Variants in KRIT1 observed in about 807,000 individuals in gnomAD.
KRIT1 encodes the protein krev interaction trapped protein 1.
KRIT1 carries 45 observed loss-of-function variants against 95.8 expected under a neutral mutation model. The ratio of observed to expected loss-of-function variants is 0.47; its 90% confidence interval spans 0.37 to 0.60. The LOEUF (loss-of-function observed/expected upper bound fraction) is 0.60. Among genes scored for constraint, KRIT1 ranks in the 20% least tolerant of loss-of-function variants. KRIT1 has a pLI of 0.00. For synonymous variants in KRIT1, 282 were observed against 278.8 expected (o/e 1.01, Z -0.11); for missense variants, 788 against 877.5 (o/e 0.90, Z 1.29).
At position 92,242,210 on chromosome 7, in the gene KRIT1, T is replaced by G. The variant is rs367830981; in HGVS notation, c.-2-73A>C. The stretch of plus-strand genomic sequence containing the variant: ...TTGATGGCAAGATAAAAAAAAGTAA[T>G]GCATCTTAAATTGAAAACTTTTATT... On this transcript the variant is annotated intron_variant, in intron 3 of 18. Coordinates refer to ENST00000394505, the MANE Select transcript of KRIT1 (RefSeq NM_194454.3). 1.3e-4 allele frequency: 114 copies of G among 855,050 alleles called. No individual in the cohort carries two copies. The East Asian group carries it at 2.4e-3, about 18-fold the overall frequency. The allele number at this position is 855,050 out of a possible 1,614,324, so 53.0% of individuals were successfully genotyped here. A position where few individuals can be genotyped will look rare whatever the true frequency, so the allele number is the denominator to read the frequency against.
rs189680686 is a variant in KRIT1, at chr7:92,232,779, C to T, written c.989+1670G>A. Among the ~76,000 whole-genome samples, 176 of 152,098 alleles carry T rather than the reference C, an allele frequency of 1.2e-3. 3 individuals are homozygous for T. The highest frequency in any genetic ancestry group is 0.01 in the Admixed American group (159 of 15,270). ...CGTGATCTCAGCTCACTGCAAGCTCCGCCTCGCGGGTTCACACCATTCTCC... is the reference window on the plus strand; with the variant it reads ...CGTGATCTCAGCTCACTGCAAGCTCTGCCTCGCGGGTTCACACCATTCTCC... On this transcript the variant is annotated intron_variant, in intron 10 of 18. Coordinates refer to ENST00000394505, the MANE Select transcript of KRIT1 (RefSeq NM_194454.3).
intron 17 of KRIT1, among the ~76,000 whole-genome samples, chr7:92,211,557 C>T (rs1792836843): frequency 6.6e-6 from 1 of 152,032 alleles, no homozygotes; most frequent in Admixed American, 6.6e-5. Context: ...CGGGTACAAA[C>T]ATACAGTTAG....
chr7:92,206,078 T>A (rs960207543), intron 17 of KRIT1: 24 of 152,702 alleles, frequency 1.6e-4, no homozygotes, highest in African/African-American at 5.8e-4. Flanking sequence ...CCAGCACACA[T>A]TATCTAGGGT....
At chr7:92,212,918 T>C (rs985605753) in intron 17 of KRIT1, among the ~76,000 whole-genome samples, 2 of 152,250 alleles carry the variant, frequency 1.3e-5, no homozygotes, top group Non-Finnish European at 2.9e-5. Context: ...TACATATTGT[T>C]CAGCACCTTG....
rs1313893193 is a variant in KRIT1 at position 92,242,089 on chromosome 7, C to T, written c.47G>A (p.Arg16His). The T allele has an allele frequency of 5.0e-6, 8 of 1,604,264 alleles. No individual in the cohort carries two copies. Among genetic ancestry groups the T allele is most frequent in the Admixed American group, 1.7e-5 (1 of 59,962 alleles). Residue 16 changes from arginine to histidine, a missense_variant, in exon 4 of 19, where the codon CGT becomes CAT. Physicochemically the swap from Arg to His is conservative, Grantham distance 29. Coordinates refer to ENST00000394505, the MANE Select transcript of KRIT1 (RefSeq NM_194454.3). ...ATTGAGACTGGCAGTATTCTTTGGA[C>T]GAATAACAGCAACATATGCATCTTC... is the stretch of plus-strand genomic sequence containing the variant. ...NIEDAYVAVI[R>H]PKNTASLNSR...
chr7:92,201,585 TGCA>T, intron 17 of KRIT1, 162 bp from the exon 18 acceptor site: 1 of 599,120 alleles, frequency 1.7e-6, no homozygotes, highest in South Asian at 1.9e-5. Context: ...GTGCAGAATG[TGCA>T]GTTTTGTTAC....
At chr7:92,222,102 T>C (rs752546502) in intron 13 of KRIT1, 49 bp from the exon 14 acceptor site, 2 of 1,376,264 alleles carry the variant, frequency 1.5e-6, no homozygotes, top group South Asian at 1.2e-5. Context: ...AAGTCAATTA[T>C]ATCAATGCAT....
At position 92,236,184 on chromosome 7, in the gene KRIT1, G is replaced by A. The variant is rs186288529; in HGVS notation, c.485+229C>T. 3.5e-5 allele frequency: 15 copies of A among 422,616 alleles called. No homozygotes were observed. The East Asian group carries it at 6.5e-4, about 18-fold the overall frequency. The allele number at this position is 422,616 out of a possible 1,614,324, so 26.2% of individuals were successfully genotyped here. A position where few individuals can be genotyped will look rare whatever the true frequency, so the allele number is the denominator to read the frequency against. ...AGGTAAATCTTAATTCTTAAGCCAG[G>A]GCAGTGTTTACCATTTCTGAAAAAT... On this transcript the variant is annotated intron_variant, in intron 7 of 18. Transcript: ENST00000394505.
In KRIT1 at chr7:92,241,161, A is replaced by G. The variant is rs1424591498; in HGVS notation, c.103-9T>C. On this transcript the variant is annotated splice_polypyrimidine_tract_variant and intron_variant, in intron 4 of 18. Coordinates refer to ENST00000394505, the MANE Select transcript of KRIT1 (RefSeq NM_194454.3). The stretch of plus-strand genomic sequence containing the variant: ...ACTTCATGCAACAAAATCTTAGATG[A>G]GAAAAACATTAAGAGAAAGCTTAAA... 1 of 1,588,846 alleles carries G rather than the reference A, an allele frequency of 6.3e-7. No individual in the cohort carries two copies. The highest frequency in any genetic ancestry group is 1.1e-5 in the South Asian group (1 of 90,266).
At position 92,199,810 on chromosome 7, in the gene KRIT1, G is replaced by A. The variant is rs1789788717; in HGVS notation, c.*926C>T. 1 of 152,196 alleles carries A rather than the reference G, an allele frequency of 6.6e-6. No homozygotes were observed. The highest frequency in any genetic ancestry group is 6.5e-5 in the Admixed American group (1 of 15,284). The allele number at this position is 152,196 out of a possible 1,614,324, so 9.4% of individuals were successfully genotyped here. On this transcript the variant is annotated 3_prime_UTR_variant, in exon 19 of 19. Coordinates refer to ENST00000394505, the MANE Select transcript of KRIT1 (RefSeq NM_194454.3). ...TTCACAAGGCCATGCTACTTCCAGA[G>A]AGTGAATGCCCTTGTTTAGAATGGG... is the stretch of plus-strand genomic sequence containing the variant.
rs1225770414 is a variant in KRIT1 at position 92,215,624 on chromosome 7, CA to C, written c.1564-848del. ...AGCTGGGAAAAGAGGTGTGCAACAC[CA>C]TGCCTGGCTAATTTTTAAATTTTTT... On this transcript the variant is annotated intron_variant, in intron 14 of 18. Transcript: ENST00000394505. Among the ~76,000 whole-genome samples, 788 of 152,242 alleles carry C rather than the reference CA, an allele frequency of 5.2e-3. 3 individuals carry two copies. Among genetic ancestry groups the C allele is most frequent in the Non-Finnish European group, 7.8e-3 (533 of 68,010 alleles).
chr7:92,237,897 T>C (rs1020010927), intron 5 of KRIT1, 138 bp from the exon 6 acceptor site: 5 of 613,884 alleles, frequency 8.1e-6, no homozygotes, highest in East Asian at 5.8e-5. Context: ...TTTTATTATA[T>C]GTACTAATAA....
At chr7:92,233,544 T>C (rs1797775186) in intron 10 of KRIT1, among the ~76,000 whole-genome samples, 1 of 151,950 alleles carries the variant, frequency 6.6e-6, no homozygotes, top group Non-Finnish European at 1.5e-5. Context: ...GTAGCTGGGA[T>C]TACAGGCGTG....
chr7:92,234,808 T>C lies in KRIT1; in HGVS notation c.845A>G (p.Lys282Arg). ...QRSMSSVTEDKERQWVDDFPL... is the reference protein window; with the variant it reads ...QRSMSSVTEDRERQWVDDFPL... ...ATGTGGAGTAAAACCGAAACAGTACTTGTCTTCTGTGACACTGCTCATGCT... is the reference window on the plus strand; with the variant it reads ...ATGTGGAGTAAAACCGAAACAGTACCTGTCTTCTGTGACACTGCTCATGCT... Residue 282 changes from lysine (K) to arginine (R), a missense_variant and splice_region_variant, in exon 9 of 19, where the codon AAG (lysine) becomes AGG (arginine). Physicochemically the swap from Lys to Arg is conservative, Grantham distance 26 (BLOSUM62 2). Coordinates refer to ENST00000394505, the MANE Select transcript of KRIT1 (RefSeq NM_194454.3). 1 of 1,549,268 alleles carries C rather than the reference T, an allele frequency of 6.5e-7. No homozygotes were observed. The highest frequency in any genetic ancestry group is 8.9e-7 in the Non-Finnish European group (1 of 1,120,868).
At position 92,236,499 on chromosome 7, in the gene KRIT1, G is replaced by A; in HGVS notation, c.399C>T (p.Tyr133=). The part of the protein sequence containing the change: ...YTYTPGCPIF[Y]CLQDIMRVCS... ...AGACTCGCATAATATCTTGTAAGCA[G>A]TAAAAAATTGGGCATCCTGGGGTAT... Residue 133 remains tyrosine, a synonymous_variant, in exon 7 of 19, where the codon TAC becomes TAT. Coordinates refer to ENST00000394505, the MANE Select transcript of KRIT1 (RefSeq NM_194454.3). The A allele has an allele frequency of 1.3e-6, 2 of 1,583,352 alleles. No individual in the cohort carries two copies. The highest frequency in any genetic ancestry group is 2.2e-5 in the South Asian group (2 of 90,412).
chr7:92,203,664 G>C (rs901630097), intron 17 of KRIT1, among the ~76,000 whole-genome samples: 2 of 152,078 alleles, frequency 1.3e-5, no homozygotes, highest in African/African-American at 4.8e-5. Flanking sequence ...ACCTTCATTT[G>C]AATACTATAT....
chr7:92,232,459 C>T (rs1797498529), intron 10 of KRIT1, among the ~76,000 whole-genome samples: 1 of 150,768 alleles, frequency 6.6e-6, no homozygotes, highest in South Asian at 2.1e-4. Flanking sequence ...AATACAATGC[C>T]ATGCTTTTGT....
Position 92,222,927 on chromosome 7 carries a change from A to G in KRIT1, c.1306T>C (p.Leu436=), listed in dbSNP as rs998452517. ...ACTGTGGTATTATTTCCATGCTTCA[A>G]TTCAACAGAACGATATGACCCATCC... is the stretch of plus-strand genomic sequence containing the variant. ...RMDGSYRSVE[L]KHGNNTTVQQ... The change falls in exon 13 of 19, where the codon TTG becomes CTG. Residue 436 remains leucine (L), a synonymous_variant. Coordinates refer to ENST00000394505, the MANE Select transcript of KRIT1 (RefSeq NM_194454.3). 4 of 1,608,824 alleles carry G rather than the reference A, an allele frequency of 2.5e-6. No individual in the cohort carries two copies. In the African/African-American group the frequency reaches 5.3e-5, roughly 22 times the overall value.
chr7:92,232,509 GA>G (rs1332584161), intron 10 of KRIT1, among the ~76,000 whole-genome samples: 1 of 145,784 alleles, frequency 6.9e-6, no homozygotes, highest in Non-Finnish European at 1.5e-5. Context: ...TCTTTCATTA[GA>G]GGGGGAAAAA....
Sources: allele counts gnomAD v4.1 joint callset (sites outside exome capture counted in the v4.1 genomes callset), GRCh38; gene constraint gnomAD v4.1.1; transcripts MANE v1.5; gene names NCBI Gene and HGNC (gene_info 2026-07-23, HGNC 2026-07-21).